Variants in ACSS3 observed in about 807,000 individuals in gnomAD.
The protein encoded by ACSS3 is acyl-CoA synthetase short-chain family member 3, mitochondrial.
In ACSS3, 64 loss-of-function variants were observed where a neutral mutation model predicts 84.2. That is an observed-to-expected ratio of 0.76 (90% CI 0.62 to 0.94). The LOEUF is 0.94. Among genes scored for constraint, ACSS3 ranks in the 40% least tolerant of loss-of-function variants. The pLI is 0.00. For missense variants in ACSS3, 815 were observed against 867.6 expected, an observed-to-expected ratio of 0.94 and a Z score of 0.76; for synonymous variants, 317 against 310.1, an observed-to-expected ratio of 1.02 and a Z score of -0.23.
In ACSS3 at chr12:81,149,756, A is replaced by C. The variant is rs544066679; in HGVS notation, c.922-2088A>C. Among the ~76,000 whole-genome samples the C allele has an allele frequency of 1.1e-3, 160 of 152,280 alleles. 3 individuals are homozygous for C. The East Asian group carries it at 0.029, about 28-fold the overall frequency. On this transcript the variant is annotated intron_variant, in intron 5 of 15. Coordinates refer to ENST00000548058, the MANE Select transcript of ACSS3 (RefSeq NM_024560.4). ...TAATTGTTTTAAATGAGAATCTTTG[A>C]CGGCAACCTCTAATTATTTTGACAT...
intron 3 of ACSS3, among the ~76,000 whole-genome samples, chr12:81,136,060 G>T (rs1222048769): frequency 6.6e-6 from 1 of 152,048 alleles, no homozygotes; most frequent in Non-Finnish European, 1.5e-5. Context: ...CTTATCAAAT[G>T]GATGGGACAT....
At chr12:81,095,163 GT>G (rs1881953273) in intron 1 of ACSS3, among the ~76,000 whole-genome samples, 1 of 152,138 alleles carries the variant, frequency 6.6e-6, no homozygotes, top group Admixed American at 6.5e-5. Context: ...TGTAGGTCTG[GT>G]TTCTAGGAAC....
chr12:81,078,775 G>C (rs1880785561), intron 1 of ACSS3, among the ~76,000 whole-genome samples: 1 of 152,138 alleles, frequency 6.6e-6, no homozygotes, highest in Non-Finnish European at 1.5e-5. Flanking sequence ...GGTAAACAAA[G>C]CAAGCGGTAC....
In ACSS3 at chr12:81,253,548, C is replaced by G. The variant is rs2034216496; in HGVS notation, c.1873C>G (p.Gln625Glu). ...VLEEIVKHVR[Q>E]NIGPVAAFRN... ...GGAAGAAATTGTGAAACACGTTAGA[C>G]AGAACATTGGCCCTGTGGCTGCTTT... The change falls in exon 15 of 16, where the codon CAG (glutamine) becomes GAG (glutamate). Residue 625 changes from glutamine to glutamate, a missense_variant. By Grantham distance (29) the Gln-to-Glu change is conservative. Coordinates refer to ENST00000548058, the MANE Select transcript of ACSS3 (RefSeq NM_024560.4). 1 of 1,613,812 alleles carries G rather than the reference C, an allele frequency of 6.2e-7. No individual in the cohort carries two copies. Among genetic ancestry groups the G allele is most frequent in the Non-Finnish European group, 8.5e-7 (1 of 1,179,932 alleles).
intron 9 of ACSS3, among the ~76,000 whole-genome samples, chr12:81,202,803 A>G (rs2032169548): frequency 6.6e-6 from 1 of 152,222 alleles, no homozygotes. Flanking sequence ...AAAACGTATG[A>G]ATAAAAATTA....
chr12:81,216,902 G>T lies in ACSS3; in HGVS notation c.1356G>T (p.Glu452Asp), dbSNP rs747017715. 1.9e-6 allele frequency: 3 copies of T among 1,608,154 alleles called. No individual in the cohort carries two copies. Among genetic ancestry groups the T allele is most frequent in the Admixed American group, 3.3e-5 (2 of 59,918 alleles). ...GATAAATAACATTTCTTTTTCCAGA[G>T]ACTGGATCTCCAATTACTGCGTCAT... ...VPVLDHWWQT[E>D]TGSPITASCV... Residue 452 changes from glutamate (E) to aspartate (D), a missense_variant and splice_region_variant, in exon 10 of 16, where the codon GAG (glutamate) becomes GAT (aspartate). Glu to Asp is a conservative substitution (Grantham distance 45). Transcript: ENST00000548058.
chr12:81,236,926 A>G (rs1213668402), intron 13 of ACSS3, among the ~76,000 whole-genome samples: 7 of 151,382 alleles, frequency 4.6e-5, no homozygotes. Flanking sequence ...ATGAAAGCTA[A>G]TGGCAATTTT....
In ACSS3 at chr12:81,107,503, A is replaced by AATATATAT. The variant is rs1307138595; in HGVS notation, c.312-2050_312-2049insTATATATA. Among the ~76,000 whole-genome samples the AATATATAT allele has an allele frequency of 1.2e-3, 70 of 59,568 alleles. 10 individuals carry two copies. Among genetic ancestry groups the AATATATAT allele is most frequent in the Non-Finnish European group, 1.5e-3 (46 of 30,348 alleles). 39.1% of individuals were successfully genotyped at this position (59,568 alleles called of 152,430 possible). A position where few individuals can be genotyped will look rare whatever the true frequency, so the allele number is the denominator to read the frequency against. On this transcript the variant is annotated intron_variant, in intron 1 of 15. Transcript: ENST00000548058. ...AGAAATGTTTTTTTTTTCAGGTACAAATATATACATATATATATATATATA... is the reference window on the plus strand; with the variant it reads ...AGAAATGTTTTTTTTTTCAGGTACAAATATATATATATATACATATATATATATATATA...
intron 1 of ACSS3, among the ~76,000 whole-genome samples, chr12:81,093,524 A>T (rs1021405794): frequency 2.6e-5 from 4 of 151,980 alleles, no homozygotes; most frequent in African/African-American, 4.8e-5. Flanking sequence ...CCACTGTAAA[A>T]ATAGGTATTA....
At chr12:81,212,460 C>T (rs963998005) in intron 9 of ACSS3, among the ~76,000 whole-genome samples, 3 of 152,202 alleles carry the variant, frequency 2.0e-5, no homozygotes, top group African/African-American at 4.8e-5. Context: ...TTCTCATCCT[C>T]TGTCTGTTAC....
At chr12:81,079,319 C>A (rs1459837857) in intron 1 of ACSS3, among the ~76,000 whole-genome samples, 1 of 152,114 alleles carries the variant, frequency 6.6e-6, no homozygotes, top group African/African-American at 2.4e-5. Flanking sequence ...TAGAGTGTGG[C>A]TCCTTATGTG....
rs534064882 is a variant in ACSS3 at position 81,141,832 on chromosome 12, A to G, written c.781-1275A>G. 2.6e-5 allele frequency among the ~76,000 whole-genome samples: 4 copies of G among 152,286 alleles called. No homozygotes were observed. In the South Asian group the frequency reaches 6.2e-4, roughly 24 times the overall value. ...TGATTTGGTCATAGTCAACTATTTT[A>G]TTTATCTAAATGGCAGAGCCAGTAC... On this transcript the variant is annotated intron_variant, in intron 4 of 15. Coordinates refer to ENST00000548058, the MANE Select transcript of ACSS3 (RefSeq NM_024560.4).
intron 2 of ACSS3, among the ~76,000 whole-genome samples, chr12:81,130,335 G>A (rs1025110371): frequency 6.6e-6 from 1 of 152,152 alleles, no homozygotes; most frequent in Admixed American, 6.5e-5. Context: ...GTGTGAGATA[G>A]TATCTCATTG....
In ACSS3 at chr12:81,120,062, G is replaced by A. The variant is rs944998863; in HGVS notation, c.456+10358G>A. Among the ~76,000 whole-genome samples the A allele has an allele frequency of 3.6e-5, 5 of 140,488 alleles. No homozygotes were observed. In the South Asian group the frequency reaches 1.1e-3, roughly 32 times the overall value. The allele number at this position is 140,488 out of a possible 152,430, so 92.2% of individuals were successfully genotyped here. The stretch of plus-strand genomic sequence containing the variant: ...GGAGGTGATGTAGAAGCTGGGTCAA[G>A]TAATAAAAATAGAAGTGTGTGCCCC... On this transcript the variant is annotated intron_variant, in intron 2 of 15. Coordinates refer to ENST00000548058, the MANE Select transcript of ACSS3 (RefSeq NM_024560.4).
chr12:81,167,448 T>C (rs185125147), intron 7 of ACSS3, among the ~76,000 whole-genome samples: 14 of 152,308 alleles, frequency 9.2e-5, no homozygotes, highest in Admixed American at 7.8e-4. Context: ...CTGAAATATA[T>C]AGAACAGAAA....
At chr12:81,248,778 C>T (rs1267396957) in intron 13 of ACSS3, among the ~76,000 whole-genome samples, 1 of 151,850 alleles carries the variant, frequency 6.6e-6, no homozygotes, top group Admixed American at 6.6e-5. Flanking sequence ...CTGAATTGAT[C>T]ATTACACACT....
intron 2 of ACSS3, among the ~76,000 whole-genome samples, chr12:81,113,881 T>C (rs560340961): frequency 5.3e-5 from 8 of 152,246 alleles, no homozygotes; most frequent in South Asian, 2.1e-4. Context: ...TTTTATTGTA[T>C]TCTTGCTCTT....
At chr12:81,224,265 T>G (rs2033199582) in intron 11 of ACSS3, among the ~76,000 whole-genome samples, 1 of 151,916 alleles carries the variant, frequency 6.6e-6, no homozygotes, top group Admixed American at 6.6e-5. Context: ...TCCAATGCAC[T>G]TTTACATTCT....
chr12:81,104,135 C>G (rs144187035), intron 1 of ACSS3, among the ~76,000 whole-genome samples: 1 of 152,024 alleles, frequency 6.6e-6, no homozygotes, highest in African/African-American at 2.4e-5. Flanking sequence ...AAAGGTAGAG[C>G]GAAGGTCAAC....
Sources: allele counts gnomAD v4.1 joint callset (sites outside exome capture counted in the v4.1 genomes callset), GRCh38; gene constraint gnomAD v4.1.1; transcripts MANE v1.5; gene names NCBI Gene and HGNC (gene_info 2026-07-23, HGNC 2026-07-21).